The following COLQ variants were observed in gnomAD, a reference collection of about 807,000 sequenced individuals.
COLQ encodes collagen like tail subunit of asymmetric acetylcholinesterase, also known as acetylcholinesterase collagenic tail peptide.
COLQ carries 48 observed loss-of-function variants against 69.0 expected under a neutral mutation model. The observed-to-expected ratio is 0.70, with a 90% CI of 0.55 to 0.88. The LOEUF is 0.88. Ranked by LOEUF, COLQ falls within the 40% of genes least tolerant of loss-of-function variation. The pLI, the probability that COLQ is intolerant of heterozygous loss-of-function variation, is 0.00. For synonymous variants in COLQ, 217 were observed against 211.2 expected (o/e 1.03, Z -0.24); for missense variants, 618 against 594.6 (o/e 1.04, Z -0.41).
rs1440834864 is a variant in COLQ at position 15,511,511 on chromosome 3, T to C, written c.106+10009A>G. ...GTCACCTCGGCCCTTCAATCCTCAC[T>C]TTCTACTGGCAGACAGGAAGAGTGA... On this transcript the variant is annotated intron_variant, in intron 1 of 16. Coordinates refer to ENST00000383788, the MANE Select transcript of COLQ (RefSeq NM_005677.4). Among the ~76,000 whole-genome samples the C allele has an allele frequency of 2.6e-5, 4 of 152,274 alleles. No individual in the cohort carries two copies. In the East Asian group the frequency reaches 7.7e-4, roughly 29 times the overall value.
In COLQ at chr3:15,521,510, C is replaced by T; in HGVS notation, c.106+10G>A. 9.9e-6 allele frequency: 16 copies of T among 1,614,070 alleles called. No homozygotes were observed. Among genetic ancestry groups the T allele is most frequent in the Non-Finnish European group, 1.2e-5 (14 of 1,180,032 alleles). On this transcript the variant is annotated intron_variant, in intron 1 of 16. Coordinates refer to ENST00000383788, the MANE Select transcript of COLQ (RefSeq NM_005677.4). ...AGATGGAAGAGAGGAAAGTTGTGGC[C>T]ATCATTTACCTGCTGAGATTGGAAG...
At chr3:15,454,040 C>A in intron 15 of COLQ, 109 bp from the exon 16 acceptor site, 1 of 748,740 alleles carries the variant, frequency 1.3e-6, no homozygotes, top group Non-Finnish European at 2.4e-6. Context: ...TGCTGCACCC[C>A]TTAAAGAACT....
At chr3:15,520,847 C>T (rs2063126539) in intron 1 of COLQ, among the ~76,000 whole-genome samples, 1 of 152,196 alleles carries the variant, frequency 6.6e-6, no homozygotes, top group African/African-American at 2.4e-5. Context: ...CAGCTCCAGA[C>T]CTGGCTGTCA....
intron 16 of COLQ, among the ~76,000 whole-genome samples, chr3:15,453,349 G>A (rs976760864): frequency 5.3e-5 from 8 of 152,204 alleles, no homozygotes; most frequent in African/African-American, 1.4e-4. Context: ...TAGATATTAA[G>A]GCTGATTTGA....
intron 15 of COLQ, among the ~76,000 whole-genome samples, chr3:15,454,802 C>T (rs1281079358): frequency 2.6e-5 from 4 of 151,896 alleles, no homozygotes; most frequent in African/African-American, 4.8e-5. Flanking sequence ...ACTACAAGTG[C>T]GCACCACCAG....
intron 1 of COLQ, among the ~76,000 whole-genome samples, chr3:15,508,865 T>C (rs563898864): frequency 2.8e-3 from 430 of 151,986 alleles, no homozygotes; most frequent in African/African-American, 9.7e-3. Flanking sequence ...AAAACCACAC[T>C]GCAGGCCAGG....
intron 1 of COLQ, among the ~76,000 whole-genome samples, chr3:15,501,328 C>T (rs934074454): frequency 6.6e-6 from 1 of 152,198 alleles, no homozygotes; most frequent in Non-Finnish European, 1.5e-5. Flanking sequence ...CAGGCCTGTT[C>T]CCTGCCGATG....
intron 3 of COLQ, among the ~76,000 whole-genome samples, chr3:15,480,835 C>T (rs1308500487): frequency 6.6e-6 from 1 of 152,220 alleles, no homozygotes; most frequent in Non-Finnish European, 1.5e-5. Flanking sequence ...ACATCCTCTC[C>T]AGCACCTGTT....
At chr3:15,466,668 C>T (rs1034852318) in intron 11 of COLQ, among the ~76,000 whole-genome samples, 2 of 151,948 alleles carry the variant, frequency 1.3e-5, no homozygotes, top group Non-Finnish European at 2.9e-5. Flanking sequence ...AAATGTGGCA[C>T]ATGGCAGCTG....
intron 11 of COLQ, among the ~76,000 whole-genome samples, chr3:15,468,474 G>T (rs1421713500): frequency 6.6e-6 from 1 of 151,968 alleles, no homozygotes; most frequent in African/African-American, 2.4e-5. Context: ...GGGACTAGAG[G>T]TGTGTGCCAC....
intron 1 of COLQ, among the ~76,000 whole-genome samples, chr3:15,505,647 A>C (rs2062900579): frequency 6.6e-6 from 1 of 152,240 alleles, no homozygotes; most frequent in South Asian, 2.1e-4. Context: ...GCCAACATAA[A>C]TCAGCCGGTG....
chr3:15,455,582 T>G (rs1030096496), intron 15 of COLQ, among the ~76,000 whole-genome samples: 5 of 152,226 alleles, frequency 3.3e-5, no homozygotes, highest in African/African-American at 1.2e-4. Context: ...CTTTATCTTC[T>G]GCACCTGTAA....
chr3:15,490,009 A>G (rs1489653998), intron 1 of COLQ, among the ~76,000 whole-genome samples: 1 of 152,210 alleles, frequency 6.6e-6, no homozygotes, highest in Non-Finnish European at 1.5e-5. Context: ...AATAACTTTA[A>G]TATTGTACTC....
intron 1 of COLQ, among the ~76,000 whole-genome samples, chr3:15,497,553 T>C (rs955358990): frequency 7.2e-5 from 11 of 152,100 alleles, no homozygotes; most frequent in Admixed American, 2.6e-4. Flanking sequence ...AGAAGTGACA[T>C]AAGCATCCTG....
intron 7 of COLQ, 83 bp downstream of exon 7, chr3:15,475,342 C>T: frequency 7.6e-7 from 1 of 1,316,208 alleles, no homozygotes; most frequent in Admixed American, 2.0e-5. Flanking sequence ...ACTGCAGCCC[C>T]ACCCAGTCCC....
In COLQ at chr3:15,479,396, A is replaced by T. The variant is rs761315929; in HGVS notation, c.322-14T>A. 6.2e-7 allele frequency: 1 copy of T among 1,613,868 alleles called. No individual in the cohort carries two copies. Among genetic ancestry groups the T allele is most frequent in the Non-Finnish European group, 8.5e-7 (1 of 1,179,738 alleles). ...CCCCGGTGGACCCTAATCAATCAAG[A>T]TAAAAAGTGAAGAAAGTATATATCA... On this transcript the variant is annotated splice_polypyrimidine_tract_variant and intron_variant, in intron 3 of 16. Coordinates refer to ENST00000383788, the MANE Select transcript of COLQ (RefSeq NM_005677.4).
intron 1 of COLQ, among the ~76,000 whole-genome samples, chr3:15,492,897 A>C (rs1227696999): frequency 6.6e-6 from 1 of 152,188 alleles, no homozygotes; most frequent in Admixed American, 6.5e-5. Context: ...AAATGGCCCC[A>C]GTGAAAACTG....
At chr3:15,500,214 G>A (rs568023730) in intron 1 of COLQ, among the ~76,000 whole-genome samples, 4 of 152,130 alleles carry the variant, frequency 2.6e-5, no homozygotes, top group Non-Finnish European at 5.9e-5. Flanking sequence ...TCCTTCTCTG[G>A]GGAATTCCCC....
At chr3:15,491,509 G>A (rs1011912417) in intron 1 of COLQ, among the ~76,000 whole-genome samples, 3 of 152,314 alleles carry the variant, frequency 2.0e-5, no homozygotes, top group East Asian at 1.9e-4. Flanking sequence ...CCCAGAAGTC[G>A]CCAGGTCGTG....
Sources: allele counts gnomAD v4.1 joint callset (sites outside exome capture counted in the v4.1 genomes callset), GRCh38; gene constraint gnomAD v4.1.1; transcripts MANE v1.5; gene names NCBI Gene and HGNC (gene_info 2026-07-23, HGNC 2026-07-21).